The following CACNA2D3 variants were observed in gnomAD, a reference collection of about 807,000 sequenced individuals.
CACNA2D3 encodes the protein calcium voltage-gated channel auxiliary subunit alpha2delta 3, also known as voltage-dependent calcium channel subunit alpha-2/delta-3.
A neutral mutation model predicts 160.6 loss-of-function variants in CACNA2D3; 60 were observed. The observed-to-expected ratio is 0.37, with a 90% CI of 0.30 to 0.46. The LOEUF is 0.46. CACNA2D3 is among the 20% of genes least tolerant of loss of function. The pLI is 1.00. For synonymous variants in CACNA2D3, 558 were observed against 492.9 expected (o/e 1.13, Z -1.75); for missense variants, 1,205 against 1,365.0 (o/e 0.88, Z 1.85).
At chr3:54,662,167 T>C (rs1575411816) in intron 11 of CACNA2D3, among the ~76,000 whole-genome samples, 2 of 152,172 alleles carry the variant, frequency 1.3e-5, no homozygotes, top group African/African-American at 4.8e-5. Flanking sequence ...CTTCTGTGTG[T>C]GCGTTTGTGT....
chr3:54,342,949 C>A (rs558573473), intron 3 of CACNA2D3, among the ~76,000 whole-genome samples: 1 of 152,130 alleles, frequency 6.6e-6, no homozygotes, highest in Non-Finnish European at 1.5e-5. Context: ...CCTGGGTAGC[C>A]GCACAGAGTT....
chr3:54,377,751 C>A (rs1489821096), intron 3 of CACNA2D3, among the ~76,000 whole-genome samples: 1 of 152,198 alleles, frequency 6.6e-6, no homozygotes. Flanking sequence ...AAATGTACCC[C>A]AAACTTCTTG....
chr3:54,859,560 C>T (rs1699239977), intron 17 of CACNA2D3, among the ~76,000 whole-genome samples: 1 of 152,206 alleles, frequency 6.6e-6, no homozygotes, highest in Admixed American at 6.5e-5. Context: ...GGAGTCTACC[C>T]CGTGCCTGCC....
chr3:54,230,129 GT>G (rs10663453), intron 2 of CACNA2D3, among the ~76,000 whole-genome samples: 376 of 143,414 alleles, frequency 2.6e-3, no homozygotes, highest in Middle Eastern at 7.4e-3. Flanking sequence ...TCATTTAATT[GT>G]TTTTTTTTTT....
chr3:54,709,309 C>G (rs1700913298), intron 11 of CACNA2D3, among the ~76,000 whole-genome samples: 1 of 152,030 alleles, frequency 6.6e-6, no homozygotes, highest in South Asian at 2.1e-4. Context: ...GCCACCGCAC[C>G]CAGCCTTCAT....
rs542885991 is a variant in CACNA2D3, at chr3:54,400,416, T to G, written c.381+13642T>G. Among the ~76,000 whole-genome samples, 4 of 152,210 alleles carry G rather than the reference T, an allele frequency of 2.6e-5. No homozygotes were observed. The South Asian group carries it at 8.3e-4, about 32-fold the overall frequency. ...CTCTTCCATGGATATTCTGAGCACC[T>G]GTTTCCTGGAACTCAGCACTGTTGC... On this transcript the variant is annotated intron_variant, in intron 4 of 37. Coordinates refer to ENST00000474759, the MANE Select transcript of CACNA2D3 (RefSeq NM_018398.3).
At chr3:54,372,125 G>A (rs374409545) in intron 3 of CACNA2D3, among the ~76,000 whole-genome samples, 3 of 152,150 alleles carry the variant, frequency 2.0e-5, no homozygotes, top group South Asian at 2.1e-4. Context: ...CTTAGCCAGC[G>A]CCTCAGAGTG....
At chr3:54,791,374 G>A (rs549196041) in intron 13 of CACNA2D3, among the ~76,000 whole-genome samples, 4 of 152,192 alleles carry the variant, frequency 2.6e-5, no homozygotes, top group Non-Finnish European at 5.9e-5. Flanking sequence ...CAGATGCAAA[G>A]ACAGAAATAT....
chr3:54,824,394 A>G (rs1703705220), intron 14 of CACNA2D3, among the ~76,000 whole-genome samples: 1 of 152,210 alleles, frequency 6.6e-6, no homozygotes, highest in African/African-American at 2.4e-5. Flanking sequence ...GGTTGGGGGA[A>G]GGACTACCTT....
In CACNA2D3 at chr3:54,811,251, C is replaced by G. The variant is rs1307206902; in HGVS notation, c.1381-5602C>G. ...TGTTTTTCCTCAACTGTGCTTCTCC[C>G]ATACTCATCTTCTCAGTATGCCTCT... On this transcript the variant is annotated intron_variant, in intron 13 of 37. Transcript: ENST00000474759. 2.0e-5 allele frequency among the ~76,000 whole-genome samples: 3 copies of G among 152,112 alleles called. No homozygotes were observed. In the East Asian group the frequency reaches 5.8e-4, roughly 29 times the overall value.
At chr3:54,212,979 T>C (rs1701402640) in intron 2 of CACNA2D3, among the ~76,000 whole-genome samples, 1 of 152,164 alleles carries the variant, frequency 6.6e-6, no homozygotes, top group Non-Finnish European at 1.5e-5. Flanking sequence ...TGTGAGCTCA[T>C]GTATTTCCAT....
chr3:54,252,054 A>G (rs1702198905), intron 2 of CACNA2D3, among the ~76,000 whole-genome samples: 1 of 148,166 alleles, frequency 6.7e-6, no homozygotes, highest in Non-Finnish European at 1.5e-5. Flanking sequence ...ACACTGTGTA[A>G]AGTATCTGGA....
At chr3:54,785,186 T>C (rs1423073978) in intron 13 of CACNA2D3, among the ~76,000 whole-genome samples, 1 of 152,262 alleles carries the variant, frequency 6.6e-6, no homozygotes, top group Non-Finnish European at 1.5e-5. Context: ...ATATCTTGAC[T>C]GAAAGATATG....
chr3:54,984,062 A>AG (rs1702561810), intron 29 of CACNA2D3, among the ~76,000 whole-genome samples: 1 of 152,212 alleles, frequency 6.6e-6, no homozygotes, highest in South Asian at 2.1e-4. Context: ...AGGAGGCCTG[A>AG]GGGGCCCCTT....
chr3:54,264,649 A>G (rs1702468049), intron 2 of CACNA2D3, among the ~76,000 whole-genome samples: 1 of 152,218 alleles, frequency 6.6e-6, no homozygotes, highest in African/African-American at 2.4e-5. Context: ...TAGGTTTGTA[A>G]TAGGCTCAGT....
intron 2 of CACNA2D3, among the ~76,000 whole-genome samples, chr3:54,267,828 T>C (rs1316732396): frequency 6.6e-6 from 1 of 152,226 alleles, no homozygotes; most frequent in African/African-American, 2.4e-5. Context: ...AGTTATTTTT[T>C]CCATCCTAAA....
At chr3:54,216,452 T>G (rs1265520595) in intron 2 of CACNA2D3, among the ~76,000 whole-genome samples, 1 of 152,240 alleles carries the variant, frequency 6.6e-6, no homozygotes, top group Non-Finnish European at 1.5e-5. Context: ...AAAGTTTGCA[T>G]GGACAGGTTG....
chr3:54,870,306 C>G (rs564520561), intron 17 of CACNA2D3, among the ~76,000 whole-genome samples: 1 of 152,138 alleles, frequency 6.6e-6, no homozygotes, highest in Non-Finnish European at 1.5e-5. Context: ...AGTAGCTGAT[C>G]AGTGTCAAAA....
At chr3:54,844,021 G>A (rs1433590738) in intron 16 of CACNA2D3, among the ~76,000 whole-genome samples, 1 of 152,160 alleles carries the variant, frequency 6.6e-6, no homozygotes, top group Non-Finnish European at 1.5e-5. Flanking sequence ...GCCAGCACAT[G>A]GATCTGGGGA....
Sources: allele counts gnomAD v4.1 joint callset (sites outside exome capture counted in the v4.1 genomes callset), GRCh38; gene constraint gnomAD v4.1.1; transcripts MANE v1.5; gene names NCBI Gene and HGNC (gene_info 2026-07-23, HGNC 2026-07-21).